HK2: variants seen among roughly 807,000 people sequenced by gnomAD.
The protein encoded by HK2 is hexokinase-2.
HK2 carries 42 observed loss-of-function variants against 92.9 expected under a neutral mutation model. The ratio of observed to expected loss-of-function variants is 0.45; its 90% CI spans 0.35 to 0.58. The LOEUF is 0.58. Ranked by LOEUF, HK2 falls within the 20% of genes least tolerant of loss-of-function variation. The pLI is 0.00. For missense variants in HK2, 978 were observed against 1,245.1 expected (o/e 0.79, Z 3.23); for synonymous variants, 422 against 468.0 (o/e 0.90, Z 1.27).
intron 2 of HK2, among the ~76,000 whole-genome samples, chr2:74,865,359 C>T (rs148254935): frequency 4.9e-4 from 75 of 152,208 alleles, no homozygotes; most frequent in Middle Eastern, 3.4e-3. Context: ...CCTCTGAGTC[C>T]AGCTGGGCTG....
intron 1 of HK2, among the ~76,000 whole-genome samples, chr2:74,835,514 A>C (rs955117001): frequency 6.0e-5 from 9 of 150,994 alleles, no homozygotes; most frequent in Non-Finnish European, 1.0e-4. Flanking sequence ...GCAGCTCCCT[A>C]TGGCTGAGCG....
intron 2 of HK2, among the ~76,000 whole-genome samples, chr2:74,857,194 C>T (rs1289500215): frequency 2.6e-5 from 4 of 152,228 alleles, no homozygotes; most frequent in South Asian, 4.1e-4. Context: ...TAGCTCCTCA[C>T]CTCCATACTC....
At chr2:74,885,744 G>A (rs1309291927) in intron 13 of HK2, among the ~76,000 whole-genome samples, 155 bp downstream of exon 13, 1 of 152,050 alleles carries the variant, frequency 6.6e-6, no homozygotes. Flanking sequence ...TGCACTGTGT[G>A]TCAAGCAATG....
intron 2 of HK2, among the ~76,000 whole-genome samples, chr2:74,861,891 A>T (rs774051521): frequency 6.6e-6 from 1 of 152,216 alleles, no homozygotes; most frequent in Non-Finnish European, 1.5e-5. Flanking sequence ...ACTATGCCTT[A>T]TGAGACAGAG....
At chr2:74,876,526 C>G (rs2103971125) in intron 7 of HK2, among the ~76,000 whole-genome samples, 1 of 152,348 alleles carries the variant, frequency 6.6e-6, no homozygotes, top group African/African-American at 2.4e-5. Context: ...CCCTGCCTTT[C>G]TAAAACATCT....
chr2:74,888,105 C>T lies in HK2; in HGVS notation c.2375+47C>T, dbSNP rs115699225. 711 of 1,594,584 alleles carry T rather than the reference C, an allele frequency of 4.5e-4. 4 individuals are homozygous for T. In the African/African-American group the frequency reaches 8.5e-3, roughly 19 times the overall value. On this transcript the variant is annotated intron_variant, in intron 16 of 17. Coordinates refer to ENST00000290573, the MANE Select transcript of HK2 (RefSeq NM_000189.5). ...TAGCAGGGGGGCCATGTCCTTTTTT[C>T]TCACTGGCAGACAAACTGAAGGATT...
At chr2:74,880,673 A>G (rs1031673889) in intron 10 of HK2, 104 bp downstream of exon 10, 7 of 1,198,662 alleles carry the variant, frequency 5.8e-6, no homozygotes, top group Admixed American at 2.0e-5. Context: ...TTGAACCAGA[A>G]CACGTTTCTT....
chr2:74,873,219 TG>T, intron 4 of HK2, 56 bp from the exon 5 acceptor site: 1 of 1,240,594 alleles, frequency 8.1e-7, no homozygotes, highest in Non-Finnish European at 1.2e-6. Flanking sequence ...TTGAGGGGTG[TG>T]GTGTGAGTTT....
rs139170126 is a variant in HK2, at chr2:74,881,739, T to C, written c.1599T>C (p.Leu533=). Residue 533 remains leucine, a synonymous_variant, in exon 11 of 18, where the codon CTT becomes CTC. Transcript: ENST00000290573. ...AAGGGGACTTCTTGGCCTTGGACCTTGGAGGAACAAATTTCCGGGTCCTGC... is the reference window on the plus strand; with the variant it reads ...AAGGGGACTTCTTGGCCTTGGACCTCGGAGGAACAAATTTCCGGGTCCTGC... ...TEKGDFLALD[L]GGTNFRVLLV... is the part of the protein sequence containing the mutation. 2.2e-5 allele frequency: 35 copies of C among 1,614,192 alleles called. No individual in the cohort carries two copies. In the East Asian group the frequency reaches 7.8e-4, roughly 36 times the overall value.
At chr2:74,880,726 C>T (rs1689368442) in intron 10 of HK2, among the ~76,000 whole-genome samples, 157 bp downstream of exon 10, 1 of 152,238 alleles carries the variant, frequency 6.6e-6, no homozygotes, top group Admixed American at 6.5e-5. Flanking sequence ...TAAACTCAAA[C>T]AAGGTGCTCC....
At chr2:74,871,031 C>T (rs933906953) in intron 3 of HK2, among the ~76,000 whole-genome samples, 1 of 152,210 alleles carries the variant, frequency 6.6e-6, no homozygotes. Context: ...CCTCTCCCAA[C>T]CTCTCAGTTC....
At chr2:74,839,526 T>C (rs1688253401) in intron 1 of HK2, among the ~76,000 whole-genome samples, 1 of 152,212 alleles carries the variant, frequency 6.6e-6, no homozygotes, top group African/African-American at 2.4e-5. Context: ...CTGATGGTAG[T>C]TAGGAATACT....
At chr2:74,847,529 T>A (rs1688470157) in intron 1 of HK2, among the ~76,000 whole-genome samples, 1 of 151,710 alleles carries the variant, frequency 6.6e-6, no homozygotes, top group Non-Finnish European at 1.5e-5. Context: ...AAAATAAAAT[T>A]AAAAAAATCA....
intron 4 of HK2, among the ~76,000 whole-genome samples, chr2:74,872,855 C>T (rs965507548): frequency 1.3e-5 from 2 of 152,174 alleles, no homozygotes; most frequent in Non-Finnish European, 2.9e-5. Flanking sequence ...AGTGCACTTA[C>T]ACAAACCTAG....
intron 12 of HK2, 95 bp from the exon 13 acceptor site, chr2:74,885,399 C>A: frequency 3.6e-6 from 3 of 825,504 alleles, no homozygotes; most frequent in South Asian, 2.7e-5. Flanking sequence ...TCCGTCTGAC[C>A]TGTGAGGTTG....
At chr2:74,877,053 A>G in intron 7 of HK2, 113 bp from the exon 8 acceptor site, 1 of 1,420,848 alleles carries the variant, frequency 7.0e-7, no homozygotes, top group Non-Finnish European at 9.8e-7. Context: ...GCCGTGCTGC[A>G]CACATTAACC....
chr2:74,881,604 G>A, intron 10 of HK2, 107 bp from the exon 11 acceptor site: 1 of 1,069,142 alleles, frequency 9.4e-7, no homozygotes, highest in Non-Finnish European at 1.4e-6. Context: ...AATATAAAGT[G>A]GCATTTGATG....
At chr2:74,872,443 T>G in intron 4 of HK2, 24 bp downstream of exon 4, 1 of 1,613,150 alleles carries the variant, frequency 6.2e-7, no homozygotes, top group Non-Finnish European at 8.5e-7. Context: ...CTCAGACACT[T>G]GTTGCTTCAC....
intron 2 of HK2, among the ~76,000 whole-genome samples, chr2:74,857,722 G>T (rs568850442): frequency 2.0e-5 from 3 of 152,202 alleles, no homozygotes; most frequent in Admixed American, 6.5e-5. Context: ...TGCTTTGTCA[G>T]TTGGGGGTAT....
Sources: gnomAD v4.1 joint callset for allele counts (sites outside exome capture counted in the v4.1 genomes callset) on GRCh38, gnomAD v4.1.1 for gene constraint, MANE v1.5 for transcripts, NCBI Gene and HGNC (gene_info 2026-07-23, HGNC 2026-07-21) for gene names.